FER1L5: variants seen among roughly 807,000 people sequenced by gnomAD.
FER1L5 encodes fer-1 like family member 5, also known as fer-1-like protein 5.
FER1L5 carries 187 observed loss-of-function variants against 279.9 expected under a neutral mutation model. The ratio of observed to expected loss-of-function variants is 0.67; its 90% CI spans 0.59 to 0.75. The LOEUF (loss-of-function observed/expected upper bound fraction) is 0.75. FER1L5 is among the 30% of genes least tolerant of loss of function. The pLI, the probability that FER1L5 is intolerant of heterozygous loss-of-function variation, is 0.00. For missense variants in FER1L5, 2,091 were observed against 2,594.4 expected (o/e 0.81, Z 4.21); for synonymous variants, 921 against 989.7 (o/e 0.93, Z 1.30).
intron 27 of FER1L5, among the ~76,000 whole-genome samples, chr2:96,690,902 G>A (rs1027466900): frequency 2.0e-5 from 3 of 152,262 alleles, no homozygotes; most frequent in African/African-American, 7.2e-5. Flanking sequence ...TGGGCTGCAA[G>A]TCTCAAGGTC....
In FER1L5 at chr2:96,686,027, A is replaced by G. The variant is rs1194762773; in HGVS notation, c.1983A>G (p.Glu661=). Reference sequence around the variant, plus strand: ...AGCTCCGCAGCCTCCTCCTGCAGGAACTGGCCCAAAAGGCCAAGCAAGCCA... The same window carrying G: ...AGCTCCGCAGCCTCCTCCTGCAGGAGCTGGCCCAAAAGGCCAAGCAAGCCA... The part of the protein sequence containing the change: ...RWQLRSLLLQ[E]LAQKAKQAKP... The change falls in exon 22 of 53, where the codon GAA becomes GAG. Residue 661 remains glutamate (E), a synonymous_variant. Coordinates refer to ENST00000624922, the MANE Select transcript of FER1L5 (RefSeq NM_001293083.2). 1 of 1,551,584 alleles carries G rather than the reference A, an allele frequency of 6.4e-7. No individual in the cohort carries two copies. Among genetic ancestry groups the G allele is most frequent in the South Asian group, 1.2e-5 (1 of 84,064 alleles).
Position 96,694,351 on chromosome 2 carries a change from C to T in FER1L5, c.3637-9C>T, listed in dbSNP as rs1393810125. On this transcript the variant is annotated splice_polypyrimidine_tract_variant and intron_variant, in intron 33 of 52. Coordinates refer to ENST00000624922, the MANE Select transcript of FER1L5 (RefSeq NM_001293083.2). This position sits in a 1 kb window ranked among gnomAD's most constrained non-coding sequence, Gnocchi z 4.6. ...CCCAGAGGGCCTCATGCTCCCTGCC[C>T]TCCCCCAGAAGCTTGGAGAGAAGCA... The T allele has an allele frequency of 6.5e-7, 1 of 1,544,168 alleles. No individual in the cohort carries two copies. Among genetic ancestry groups the T allele is most frequent in the Non-Finnish European group, 8.7e-7 (1 of 1,143,172 alleles).
At chr2:96,664,239 A>G (rs1198376813) in intron 14 of FER1L5, among the ~76,000 whole-genome samples, 1 of 152,140 alleles carries the variant, frequency 6.6e-6, no homozygotes, top group East Asian at 1.9e-4. Context: ...ACATTTTAAA[A>G]TATGTACACA....
chr2:96,646,186 G>A (rs1450093161), intron 1 of FER1L5, among the ~76,000 whole-genome samples: 1 of 152,018 alleles, frequency 6.6e-6, no homozygotes, highest in African/African-American at 2.4e-5. Flanking sequence ...TTTTAGTAGA[G>A]ATGGGGTTTC....
intron 17 of FER1L5, among the ~76,000 whole-genome samples, chr2:96,669,489 C>T (rs550286869): frequency 9.9e-5 from 15 of 152,140 alleles, no homozygotes; most frequent in Non-Finnish European, 1.9e-4. Context: ...AAACCCGACT[C>T]GAACAGGCTT....
chr2:96,695,549 C>T lies in FER1L5; in HGVS notation c.3782C>T (p.Ser1261Phe). Residue 1261 changes from serine (S) to phenylalanine (F), a missense_variant, in exon 35 of 53, where the codon TCC becomes TTC. Physicochemically the swap from Ser to Phe is radical, Grantham distance 155. Transcript: ENST00000624922. ...CTTCGGAACATGAAGAAGGCGAGCT[C>T]CCCCCAGCTCCTGGTGGAATTCGGG... ...WGLRNMKKAS[S>F]PQLLVEFGEE... 6.3e-7 allele frequency: 1 copy of T among 1,591,964 alleles called. No individual in the cohort carries two copies. Among genetic ancestry groups the T allele is most frequent in the Non-Finnish European group, 8.5e-7 (1 of 1,169,656 alleles).
chr2:96,662,371 G>C, intron 13 of FER1L5, 104 bp downstream of exon 13: 1 of 1,049,050 alleles, frequency 9.5e-7, no homozygotes, highest in Non-Finnish European at 1.4e-6. Flanking sequence ...TCATCTCCCA[G>C]TCACCCACTG....
intron 4 of FER1L5, among the ~76,000 whole-genome samples, chr2:96,648,291 T>C (rs1223980965): frequency 1.3e-5 from 2 of 152,162 alleles, no homozygotes; most frequent in Non-Finnish European, 2.9e-5. Flanking sequence ...GTTTAAGACA[T>C]TGGAAATGTA....
chr2:96,687,896 C>G lies in FER1L5; in HGVS notation c.2310C>G (p.Ser770Arg), dbSNP rs1268146821. The G allele has an allele frequency of 6.4e-7, 1 of 1,551,096 alleles. No individual in the cohort carries two copies. The highest frequency in any genetic ancestry group is 1.2e-5 in the South Asian group (1 of 84,058). ...TGTGGCTTGGCAATGTCACAGACAG[C>G]AAGGACCTGCAGCTGCTCCGCCAGG... is the stretch of plus-strand genomic sequence containing the variant. ...VCMWLGNVTD[S>R]KDLQLLRQGD... Residue 770 changes from serine (S) to arginine (R), a missense_variant, in exon 24 of 53, where the codon AGC (serine) becomes AGG (arginine). By Grantham distance (110) the Ser-to-Arg change is moderately radical. Transcript: ENST00000624922.
chr2:96,660,454 C>T, intron 10 of FER1L5, 83 bp downstream of exon 10: 13 of 1,227,200 alleles, frequency 1.1e-5, no homozygotes, highest in African/African-American at 1.5e-5. Context: ...CCCCATATGT[C>T]CAACACATGG....
At chr2:96,697,794 A>G in intron 39 of FER1L5, 33 bp downstream of exon 39, 1 of 1,608,116 alleles carries the variant, frequency 6.2e-7, no homozygotes, top group Non-Finnish European at 8.5e-7. Flanking sequence ...GATGGAATCA[A>G]ATCTCCCACT....
Position 96,670,263 on chromosome 2 carries a change from A to T in FER1L5, c.1491+16A>T. 1 of 1,549,462 alleles carries T rather than the reference A, an allele frequency of 6.5e-7. No individual in the cohort carries two copies. Among genetic ancestry groups the T allele is most frequent in the South Asian group, 1.2e-5 (1 of 83,972 alleles). Reference sequence around the variant, plus strand: ...CAGGATAGAGGTAACTGCGGGAAACAGGTAACCCAGGGAAAAACAAGAGCC... The same window carrying T: ...CAGGATAGAGGTAACTGCGGGAAACTGGTAACCCAGGGAAAAACAAGAGCC... On this transcript the variant is annotated intron_variant, in intron 18 of 52. Transcript: ENST00000624922.
intron 23 of FER1L5, among the ~76,000 whole-genome samples, chr2:96,686,726 C>T (rs910181268): frequency 8.6e-5 from 13 of 151,890 alleles, no homozygotes; most frequent in East Asian, 3.9e-4. Flanking sequence ...GGCATGGTGG[C>T]GCATGCTTGT....
In FER1L5 at chr2:96,702,778, A is replaced by G. The variant is rs1384525932; in HGVS notation, c.5397+37A>G. On this transcript the variant is annotated intron_variant, in intron 48 of 52. Transcript: ENST00000624922. This position sits in a 1 kb window ranked among gnomAD's most constrained non-coding sequence, Gnocchi z 4.0. Reference sequence around the variant, plus strand: ...GGGGCGTGAGGGGCAACAGGCCACAACAAACAGACCCAGGCTCCTGGAGCT... The same window carrying G: ...GGGGCGTGAGGGGCAACAGGCCACAGCAAACAGACCCAGGCTCCTGGAGCT... 2 of 1,608,782 alleles carry G rather than the reference A, an allele frequency of 1.2e-6. No individual in the cohort carries two copies. The highest frequency in any genetic ancestry group is 1.7e-6 in the Non-Finnish European group (2 of 1,177,994).
rs756304781 is a variant in FER1L5, at chr2:96,695,833, C to T, written c.3986C>T (p.Ala1329Val). The change falls in exon 36 of 53, where the codon GCC becomes GTC. Residue 1329 changes from alanine (A) to valine (V), a missense_variant. Physicochemically the swap from Ala to Val is moderately conservative, Grantham distance 64. Coordinates refer to ENST00000624922, the MANE Select transcript of FER1L5 (RefSeq NM_001293083.2). ...GGCCAGCAGACCGTGACGGGCCAGGCCAACATCGACTTCCTCCAGCCCTAC... is the reference window on the plus strand; with the variant it reads ...GGCCAGCAGACCGTGACGGGCCAGGTCAACATCGACTTCCTCCAGCCCTAC... ...AFGQQTVTGQ[A>V]NIDFLQPYFC... 10 of 1,613,374 alleles carry T rather than the reference C, an allele frequency of 6.2e-6. No homozygotes were observed. Among genetic ancestry groups the T allele is most frequent in the Non-Finnish European group, 7.6e-6 (9 of 1,179,672 alleles).
Position 96,703,060 on chromosome 2 carries a change from C to A in FER1L5, c.5480C>A (p.Ser1827Tyr), listed in dbSNP as rs1260563238. 6.2e-7 allele frequency: 1 copy of A among 1,613,494 alleles called. No individual in the cohort carries two copies. The highest frequency in any genetic ancestry group is 2.2e-5 in the East Asian group (1 of 44,880). Residue 1827 changes from serine to tyrosine, a missense_variant, in exon 49 of 53, where the codon TCC (serine) becomes TAC (tyrosine). Physicochemically the swap from Ser to Tyr is moderately radical, Grantham distance 144 (BLOSUM62 -2). Coordinates refer to ENST00000624922, the MANE Select transcript of FER1L5 (RefSeq NM_001293083.2). ...IIQVWDNDIFSPDDFLGVLEL... is the reference protein window; with the variant it reads ...IIQVWDNDIFYPDDFLGVLEL... The stretch of plus-strand genomic sequence containing the variant: ...CAGGTCTGGGACAATGACATCTTCT[C>A]CCCCGACGACTTCCTAGGTGAGGTC...
At chr2:96,649,728 A>C (rs2075286891) in intron 5 of FER1L5, 51 bp downstream of exon 5, 1 of 1,530,710 alleles carries the variant, frequency 6.5e-7, no homozygotes, top group African/African-American at 1.4e-5. Context: ...GCCTTTCTGC[A>C]TGCACAGCTG....
intron 50 of FER1L5, 46 bp from the exon 51 acceptor site, chr2:96,703,477 T>C: frequency 6.2e-7 from 1 of 1,611,080 alleles, no homozygotes; most frequent in Middle Eastern, 1.7e-4. Context: ...ACTACCCGGC[T>C]CCTGCTGTCT....
rs909078232 is a variant in FER1L5 at position 96,697,737 on chromosome 2, G to T, written c.4212G>T (p.Lys1404Asn). Residue 1404 changes from lysine (K) to asparagine (N), a missense_variant, in exon 39 of 53, where the codon AAG (lysine) becomes AAT (asparagine). Transcript: ENST00000624922. ...ATGAGCACAAGTCCCTGAAGTACAA[G>T]TACAAAGACTACCACACCCTCAAGG... is the stretch of plus-strand genomic sequence containing the variant. ...ATDEHKSLKY[K>N]YKDYHTLKVY... is the part of the protein sequence containing the mutation. 3.1e-6 allele frequency: 5 copies of T among 1,614,024 alleles called. No homozygotes were observed. Among genetic ancestry groups the T allele is most frequent in the Non-Finnish European group, 4.2e-6 (5 of 1,179,902 alleles).
Sources: gnomAD v4.1 joint callset for allele counts (sites outside exome capture counted in the v4.1 genomes callset) on GRCh38, gnomAD v4.1.1 for gene constraint, Gnocchi (gnomAD v3.1) non-coding constraint, MANE v1.5 for transcripts, NCBI Gene and HGNC (gene_info 2026-07-23, HGNC 2026-07-21) for gene names.